Variants in SRGAP1 observed in about 807,000 individuals in gnomAD.
SRGAP1 encodes the protein SLIT-ROBO Rho GTPase-activating protein 1.
A neutral mutation model predicts 121.9 loss-of-function variants in SRGAP1; 43 were observed. The ratio of observed to expected loss-of-function variants is 0.35; its 90% CI spans 0.28 to 0.46. SRGAP1 has a LOEUF of 0.46. SRGAP1 is among the 20% of genes least tolerant of loss of function. SRGAP1 has a pLI of 1.00. For missense variants in SRGAP1, 1,102 were observed against 1,350.9 expected (o/e 0.82, Z 2.89); for synonymous variants, 447 against 485.4 (o/e 0.92, Z 1.04).
chr12:63,978,723 G>A (rs549090986), intron 1 of SRGAP1, among the ~76,000 whole-genome samples: 1 of 152,164 alleles, frequency 6.6e-6, no homozygotes, highest in Non-Finnish European at 1.5e-5. Context: ...GTATACCTAG[G>A]AGCAGAATGG....
At chr12:63,938,668 A>G (rs898693880) in intron 1 of SRGAP1, among the ~76,000 whole-genome samples, 1 of 151,960 alleles carries the variant, frequency 6.6e-6, no homozygotes, top group Non-Finnish European at 1.5e-5. Flanking sequence ...ATGGAAATAG[A>G]GTGAAGCAAT....
At chr12:63,994,794 G>A (rs1192327887) in intron 3 of SRGAP1, among the ~76,000 whole-genome samples, 1 of 152,184 alleles carries the variant, frequency 6.6e-6, no homozygotes, top group Non-Finnish European at 1.5e-5. Flanking sequence ...CAGGGCTGAT[G>A]TGCCTCTTGC....
chr12:64,087,043 T>A lies in SRGAP1; in HGVS notation c.1436+17T>A, dbSNP rs1247481176. Reference sequence around the variant, plus strand: ...GACTACAAGGTAGGAAAATATTTTATCATAACTTATAGCGTATTTTACTTT... The same window carrying A: ...GACTACAAGGTAGGAAAATATTTTAACATAACTTATAGCGTATTTTACTTT... On this transcript the variant is annotated intron_variant, in intron 11 of 21. Coordinates refer to ENST00000355086, the MANE Select transcript of SRGAP1 (RefSeq NM_020762.4). 1.3e-6 allele frequency: 2 copies of A among 1,570,294 alleles called. No homozygotes were observed. The highest frequency in any genetic ancestry group is 3.5e-5 in the Admixed American group (2 of 57,746).
At chr12:64,085,128 C>A (rs748846249) in intron 10 of SRGAP1, among the ~76,000 whole-genome samples, 2 of 152,070 alleles carry the variant, frequency 1.3e-5, no homozygotes, top group Non-Finnish European at 2.9e-5. Context: ...CAAACTTGGA[C>A]CTGAGTGCCA....
chr12:64,141,222 T>C (rs1017217139), intron 21 of SRGAP1, among the ~76,000 whole-genome samples: 1 of 145,656 alleles, frequency 6.9e-6, no homozygotes, highest in African/African-American at 2.6e-5. Context: ...TGTATACATA[T>C]GTAACTAACC....
chr12:64,104,375 A>G (rs77934440), intron 15 of SRGAP1, among the ~76,000 whole-genome samples: 5,356 of 152,262 alleles, frequency 0.035, 313 homozygotes, highest in African/African-American at 0.12. Flanking sequence ...TGAATTGTGG[A>G]AAACAAAGCC....
At chr12:63,936,686 T>G (rs1051093837) in intron 1 of SRGAP1, among the ~76,000 whole-genome samples, 4 of 152,172 alleles carry the variant, frequency 2.6e-5, no homozygotes. Context: ...GTTTTACTTA[T>G]AGGTTTGTAA....
At chr12:64,049,312 C>A (rs574389093) in intron 6 of SRGAP1, among the ~76,000 whole-genome samples, 2 of 152,216 alleles carry the variant, frequency 1.3e-5, no homozygotes, top group Admixed American at 1.3e-4. Context: ...TAAAGAACTG[C>A]CCAAGACTGG....
At chr12:63,964,912 G>A (rs571831115) in intron 1 of SRGAP1, among the ~76,000 whole-genome samples, 4 of 152,184 alleles carry the variant, frequency 2.6e-5, no homozygotes, top group South Asian at 4.2e-4. Flanking sequence ...CATTGATCTC[G>A]CCTAATTGTT....
intron 6 of SRGAP1, among the ~76,000 whole-genome samples, chr12:64,056,364 C>T (rs2035340354): frequency 6.6e-6 from 1 of 151,972 alleles, no homozygotes; most frequent in Admixed American, 6.6e-5. Context: ...ACCAGCCTGG[C>T]CAACATAGCA....
chr12:64,045,491 A>G (rs551716205), intron 6 of SRGAP1, among the ~76,000 whole-genome samples: 4 of 151,116 alleles, frequency 2.6e-5, no homozygotes, highest in Middle Eastern at 3.4e-3. Flanking sequence ...GCTGGAGTTC[A>G]GTGGTACAAT....
chr12:64,072,942 A>G (rs1373035869), intron 8 of SRGAP1, among the ~76,000 whole-genome samples: 2 of 152,210 alleles, frequency 1.3e-5, no homozygotes, highest in Non-Finnish European at 2.9e-5. Flanking sequence ...CTACCTGGGC[A>G]GCTCCTTCAG....
chr12:63,953,493 C>A (rs1260493712), intron 1 of SRGAP1, among the ~76,000 whole-genome samples: 1 of 151,092 alleles, frequency 6.6e-6, no homozygotes, highest in African/African-American at 2.4e-5. Context: ...ACCTCTGCCT[C>A]CCAGGCTCAA....
At chr12:63,845,408 A>G (rs1390046949) in intron 1 of SRGAP1, among the ~76,000 whole-genome samples, 2 of 152,172 alleles carry the variant, frequency 1.3e-5, no homozygotes, top group East Asian at 3.9e-4. Flanking sequence ...CTTTTATTAA[A>G]TAGCTCCCTA....
rs1020524816 is a variant in SRGAP1, at chr12:63,909,358, C to T, written c.67+64475C>T. On this transcript the variant is annotated intron_variant, in intron 1 of 21. Coordinates refer to ENST00000355086, the MANE Select transcript of SRGAP1 (RefSeq NM_020762.4). ...GATATGACTGTTTCCACCTATGCATCCTACTTGATCTCTTACCACATCCCT... is the reference window on the plus strand; with the variant it reads ...GATATGACTGTTTCCACCTATGCATTCTACTTGATCTCTTACCACATCCCT... 2.6e-5 allele frequency among the ~76,000 whole-genome samples: 4 copies of T among 152,360 alleles called. No individual in the cohort carries two copies. The South Asian group carries it at 6.2e-4, about 24-fold the overall frequency.
intron 1 of SRGAP1, among the ~76,000 whole-genome samples, chr12:63,962,232 T>G (rs958517058): frequency 6.6e-6 from 1 of 152,220 alleles, no homozygotes; most frequent in Non-Finnish European, 1.5e-5. Context: ...ACTACATACT[T>G]TGGGATGCTG....
At position 63,989,408 on chromosome 12, in the gene SRGAP1, G is replaced by A. The variant is rs563472389; in HGVS notation, c.264-502G>A. 8.5e-5 allele frequency among the ~76,000 whole-genome samples: 13 copies of A among 152,276 alleles called. 1 individual carries two copies. In the South Asian group the frequency reaches 1.5e-3, roughly 17 times the overall value. Reference sequence around the variant, plus strand: ...TAGTTTTTGGGAGACTGGAGGTTATGTATCAGGGGATTAATAAATAACCCT... The same window carrying A: ...TAGTTTTTGGGAGACTGGAGGTTATATATCAGGGGATTAATAAATAACCCT... On this transcript the variant is annotated intron_variant, in intron 2 of 21. Transcript: ENST00000355086.
chr12:63,936,453 C>T (rs1159049227), intron 1 of SRGAP1, among the ~76,000 whole-genome samples: 5 of 152,076 alleles, frequency 3.3e-5, no homozygotes, highest in South Asian at 2.1e-4. Flanking sequence ...GCCTATGGGA[C>T]GGCAAGGGGA....
intron 15 of SRGAP1, among the ~76,000 whole-genome samples, chr12:64,098,679 T>A (rs28634655): frequency 0.052 from 7,407 of 143,710 alleles, 376 homozygotes; most frequent in African/African-American, 0.15. Flanking sequence ...CAAAAAAAAA[T>A]AAAAAAATAA....
Sources: gnomAD v4.1 joint callset for allele counts (sites outside exome capture counted in the v4.1 genomes callset) on GRCh38, gnomAD v4.1.1 for gene constraint, MANE v1.5 for transcripts, NCBI Gene and HGNC (gene_info 2026-07-23, HGNC 2026-07-21) for gene names.